ZCWPW2: variants seen among roughly 807,000 people sequenced by gnomAD.
ZCWPW2 encodes zinc finger CW-type and PWWP domain containing 2.
Under a neutral mutation model 46.6 loss-of-function variants are expected in ZCWPW2, and 45 were observed. That is an observed-to-expected ratio of 0.96 (90% CI 0.76 to 1.24). The LOEUF (loss-of-function observed/expected upper bound fraction) is 1.24. Among genes scored for constraint, ZCWPW2 ranks in the 50% most tolerant of loss-of-function variants. The pLI is 0.00. For synonymous variants in ZCWPW2, 152 were observed against 137.1 expected (o/e 1.11, Z -0.76); for missense variants, 429 against 403.9 (o/e 1.06, Z -0.53).
At chr3:28,481,462 C>T (rs1217352445) in intron 5 of ZCWPW2, among the ~76,000 whole-genome samples, 1 of 152,118 alleles carries the variant, frequency 6.6e-6, no homozygotes, top group Non-Finnish European at 1.5e-5. Flanking sequence ...AGACTGGTCT[C>T]CAACTCCTGA....
chr3:28,475,367 C>G (rs924419778), intron 4 of ZCWPW2, among the ~76,000 whole-genome samples: 1 of 152,126 alleles, frequency 6.6e-6, no homozygotes, highest in South Asian at 2.1e-4. Context: ...TGCCCTGGTC[C>G]ACACTGCCAT....
intron 1 of ZCWPW2, among the ~76,000 whole-genome samples, chr3:28,363,548 C>G (rs1042829719): frequency 7.9e-5 from 12 of 152,054 alleles, no homozygotes; most frequent in African/African-American, 2.9e-4. Context: ...AGTGTTTGCC[C>G]ATTTGTAGAG....
At chr3:28,417,127 G>C (rs1414805660) in intron 3 of ZCWPW2, among the ~76,000 whole-genome samples, 9 of 139,938 alleles carry the variant, frequency 6.4e-5, no homozygotes, top group Non-Finnish European at 3.1e-5. Context: ...AAGAAGAAAA[G>C]ACAAAGGGGA....
intron 6 of ZCWPW2, among the ~76,000 whole-genome samples, chr3:28,505,747 C>G (rs986864426): frequency 6.6e-6 from 1 of 152,022 alleles, no homozygotes; most frequent in African/African-American, 2.4e-5. Flanking sequence ...TCTGTCAAAG[C>G]AAGCAGCTCT....
chr3:28,505,372 A>G (rs1294671943), intron 6 of ZCWPW2, among the ~76,000 whole-genome samples: 1 of 152,190 alleles, frequency 6.6e-6, no homozygotes, highest in African/African-American at 2.4e-5. Flanking sequence ...AAGGTTGACT[A>G]GACTGGAGCA....
intron 3 of ZCWPW2, among the ~76,000 whole-genome samples, chr3:28,422,986 C>A (rs1696854677): frequency 6.6e-6 from 1 of 151,946 alleles, no homozygotes; most frequent in Admixed American, 6.6e-5. Context: ...GCTTATTTGC[C>A]ATCTTGTATA....
At chr3:28,428,273 T>G (rs966547209) in intron 3 of ZCWPW2, 3 of 152,236 alleles carry the variant, frequency 2.0e-5, no homozygotes, top group African/African-American at 7.2e-5. Flanking sequence ...TTTAACGTAT[T>G]AGGCTTCTTT....
At chr3:28,522,288 A>C (rs1414255927) in intron 9 of ZCWPW2, among the ~76,000 whole-genome samples, 6 of 152,318 alleles carry the variant, frequency 3.9e-5, no homozygotes, top group Non-Finnish European at 7.4e-5. Flanking sequence ...AACCAGGAAA[A>C]GTGCTTTGCA....
intron 2 of ZCWPW2, among the ~76,000 whole-genome samples, chr3:28,393,544 A>G (rs1668506282): frequency 6.6e-6 from 1 of 152,102 alleles, no homozygotes; most frequent in African/African-American, 2.4e-5. Flanking sequence ...TCCTCAACAA[A>G]ATGCCATGAA....
In ZCWPW2 at chr3:28,348,954, G is replaced by T; in HGVS notation, c.-383G>T. On this transcript the variant is annotated 5_prime_UTR_variant, in exon 1 of 10. Coordinates refer to ENST00000383768, the MANE Select transcript of ZCWPW2 (RefSeq NM_001040432.4). ...AGGGAGGGGAAGCACTCCGGAAAGT[G>T]ATTGGAAGTGTGGATGAGCTCTCAG... 1 of 985,672 alleles carries T rather than the reference G, an allele frequency of 1.0e-6. No homozygotes were observed. The highest frequency in any genetic ancestry group is 1.7e-5 in the African/African-American group (1 of 57,380). 61.1% of individuals were successfully genotyped at this position (985,672 alleles called of 1,614,324 possible). A position where few individuals can be genotyped will look rare whatever the true frequency, so the allele number is the denominator to read the frequency against.
At chr3:28,398,461 G>A (rs531863985) in intron 2 of ZCWPW2, among the ~76,000 whole-genome samples, 16 of 152,064 alleles carry the variant, frequency 1.1e-4, no homozygotes, top group Non-Finnish European at 1.6e-4. Flanking sequence ...GCTTCAACTC[G>A]GATGGATAGA....
intron 1 of ZCWPW2, among the ~76,000 whole-genome samples, chr3:28,369,571 G>A (rs1400804000): frequency 6.6e-6 from 1 of 152,152 alleles, no homozygotes; most frequent in Non-Finnish European, 1.5e-5. Context: ...GCCCCTACTG[G>A]GAGGTGCCTC....
chr3:28,473,136 A>G (rs1215016672), intron 4 of ZCWPW2, among the ~76,000 whole-genome samples: 1 of 152,206 alleles, frequency 6.6e-6, no homozygotes, highest in Admixed American at 6.5e-5. Flanking sequence ...TGGTGGGAAT[A>G]TAAATTAGTA....
chr3:28,402,235 A>C (rs1234990278), intron 2 of ZCWPW2, among the ~76,000 whole-genome samples: 1 of 152,182 alleles, frequency 6.6e-6, no homozygotes, highest in Admixed American at 6.5e-5. Flanking sequence ...ATGAAATGAC[A>C]TGGGAGATAT....
At chr3:28,397,781 G>T (rs560978995) in intron 2 of ZCWPW2, among the ~76,000 whole-genome samples, 1 of 152,172 alleles carries the variant, frequency 6.6e-6, no homozygotes, top group Non-Finnish European at 1.5e-5. Context: ...GCTTATGAAT[G>T]TCACTTAAAG....
intron 1 of ZCWPW2, among the ~76,000 whole-genome samples, chr3:28,361,647 A>G (rs1457181288): frequency 6.6e-6 from 1 of 152,186 alleles, no homozygotes; most frequent in East Asian, 1.9e-4. Flanking sequence ...TAGGGGATTA[A>G]TATCAAAAAT....
chr3:28,477,587 G>C (rs970142004), intron 4 of ZCWPW2, among the ~76,000 whole-genome samples: 6 of 152,182 alleles, frequency 3.9e-5, no homozygotes, highest in Non-Finnish European at 5.9e-5. Context: ...TTTATGTGTA[G>C]TGGGAGCACA....
chr3:28,387,324 T>C (rs1240029316), intron 1 of ZCWPW2, among the ~76,000 whole-genome samples: 1 of 152,176 alleles, frequency 6.6e-6, no homozygotes, highest in Non-Finnish European at 1.5e-5. Flanking sequence ...CCATCATTTC[T>C]ACAGATCTGA....
chr3:28,519,942 C>A (rs1700677320), intron 8 of ZCWPW2, among the ~76,000 whole-genome samples: 1 of 149,704 alleles, frequency 6.7e-6, no homozygotes, highest in African/African-American at 2.5e-5. Context: ...GCTTTTATTT[C>A]TTTGGTGGGG....
Sources: gnomAD v4.1 joint callset for allele counts (sites outside exome capture counted in the v4.1 genomes callset) on GRCh38, gnomAD v4.1.1 for gene constraint, MANE v1.5 for transcripts, NCBI Gene and HGNC (gene_info 2026-07-23, HGNC 2026-07-21) for gene names.